Variants in MSH5 observed in about 807,000 individuals in gnomAD.
MSH5 encodes the protein mutS protein homolog 5.
Under a neutral mutation model 107.7 loss-of-function variants are expected in MSH5, and 78 were observed. The observed-to-expected ratio is 0.72, with a 90% CI of 0.60 to 0.87. The LOEUF is 0.87. MSH5 is among the 40% of genes least tolerant of loss of function. The pLI is 0.00. For synonymous variants in MSH5, 326 were observed against 399.5 expected (o/e 0.82, Z 2.19); for missense variants, 889 against 1,046.6 (o/e 0.85, Z 2.08).
Position 31,759,240 on chromosome 6 carries a change from C to T in MSH5, c.1407+63C>T, listed in dbSNP as rs558151991. The T allele has an allele frequency of 2.0e-4, 299 of 1,472,652 alleles. 2 individuals carry two copies. The South Asian group carries it at 2.8e-3, about 14-fold the overall frequency. 91.2% of individuals were successfully genotyped at this position (1,472,652 alleles called of 1,614,324 possible). A position where few individuals can be genotyped will look rare whatever the true frequency, so the allele number is the denominator to read the frequency against. On this transcript the variant is annotated intron_variant, in intron 16 of 24. Coordinates refer to ENST00000375750, the MANE Select transcript of MSH5 (RefSeq NM_172166.4). This position sits in a 1 kb window ranked among gnomAD's most constrained non-coding sequence, Gnocchi z 4.7. Reference sequence around the variant, plus strand: ...AAATGAGTCAGCAGCTGAGGAAGAGCGTTACTCTACAGCAGCACTGCCCAA... The same window carrying T: ...AAATGAGTCAGCAGCTGAGGAAGAGTGTTACTCTACAGCAGCACTGCCCAA...
In MSH5 at chr6:31,743,171, G is replaced by A; in HGVS notation, c.415+1G>A. The A allele has an allele frequency of 6.2e-7, 1 of 1,612,748 alleles. No homozygotes were observed. The highest frequency in any genetic ancestry group is 1.1e-5 in the South Asian group (1 of 91,066). On this transcript the variant is annotated splice_donor_variant, in intron 5 of 24. Transcript: ENST00000375750. LOFTEE classifies it high-confidence loss of function. ...ATATTTTTGCCAAGTGTGGATTTTG[G>A]TATCTCCTTCCTTTTGCTTTGCCTA...
At chr6:31,743,236 C>A in intron 5 of MSH5, 66 bp downstream of exon 5, 1 of 1,509,036 alleles carries the variant, frequency 6.6e-7, no homozygotes, top group South Asian at 1.1e-5. Flanking sequence ...CCCAACTCTA[C>A]CTTCATCATC....
rs1352754387 is a variant in MSH5 at position 31,759,871 on chromosome 6, C to T, written c.1581C>T (p.Ser527=). The T allele has an allele frequency of 6.2e-7, 1 of 1,614,184 alleles. No individual in the cohort carries two copies. Among genetic ancestry groups the T allele is most frequent in the Admixed American group, 1.7e-5 (1 of 60,022 alleles). Residue 527 remains serine, a synonymous_variant, in exon 18 of 25, where the codon TCC becomes TCT. Transcript: ENST00000375750. This position sits in a 1 kb window ranked among gnomAD's most constrained non-coding sequence, Gnocchi z 4.7. ...TAACCCGAGTATTGGACCTTGCCTCCCGCCTGGACGTCCTGCTGGCTCTTG... is the reference window on the plus strand; with the variant it reads ...TAACCCGAGTATTGGACCTTGCCTCTCGCCTGGACGTCCTGCTGGCTCTTG... ...AVLTRVLDLA[S]RLDVLLALAS...
intron 9 of MSH5, 69 bp downstream of exon 9, chr6:31,745,388 T>C (rs1581520327): frequency 1.9e-6 from 2 of 1,055,510 alleles, no homozygotes; most frequent in East Asian, 2.4e-5. Flanking sequence ...TCCAAAGATG[T>C]GTCCCAGCCT....
Position 31,762,126 on chromosome 6 carries a change from C to A in MSH5, c.2334C>A (p.Ile778=). 6.2e-7 allele frequency: 1 copy of A among 1,614,186 alleles called. No homozygotes were observed. Among genetic ancestry groups the A allele is most frequent in the South Asian group, 1.1e-5 (1 of 91,082 alleles). Reference sequence around the variant, plus strand: ...CTTGTTCCTAGGTCTCAGACTTGATCCGCAGTGGAAAACCCATCAAGCCTG... The same window carrying A: ...CTTGTTCCTAGGTCTCAGACTTGATACGCAGTGGAAAACCCATCAAGCCTG... The part of the protein sequence containing the change: ...VARGKEVSDL[I]RSGKPIKPVK... Residue 778 remains isoleucine (I), a synonymous_variant, in exon 24 of 25, where the codon ATC becomes ATA. Coordinates refer to ENST00000375750, the MANE Select transcript of MSH5 (RefSeq NM_172166.4).
chr6:31,761,135 T>C lies in MSH5; in HGVS notation c.1963-53T>C, dbSNP rs1475800128. ...TTATTCACAGGCCAACTGTGGTCAG[T>C]GCGTTACGGGCTTCCAATACTAACT... On this transcript the variant is annotated intron_variant, in intron 20 of 24. Coordinates refer to ENST00000375750, the MANE Select transcript of MSH5 (RefSeq NM_172166.4). The surrounding 1 kb of genome is among the most constrained non-coding windows in gnomAD (Gnocchi z 5.3). The C allele has an allele frequency of 6.4e-7, 1 of 1,558,148 alleles. No homozygotes were observed. Among genetic ancestry groups the C allele is most frequent in the African/African-American group, 1.3e-5 (1 of 74,100 alleles).
chr6:31,744,050 G>A, intron 6 of MSH5, 25 bp downstream of exon 6: 1 of 1,613,440 alleles, frequency 6.2e-7, no homozygotes, highest in Non-Finnish European at 8.5e-7. Flanking sequence ...GGGGGATAAG[G>A]GCTGGGAGGC....
Position 31,762,194 on chromosome 6 carries a change from A to G in MSH5, c.2393+9A>G, listed in dbSNP as rs1811080408. On this transcript the variant is annotated intron_variant, in intron 24 of 24. Transcript: ENST00000375750. ...AAGAACCAAATGGAAAAGTGCGTAT[A>G]TGGCCCCAGTGTCTTTACCCTCTCT... 1 of 1,613,938 alleles carries G rather than the reference A, an allele frequency of 6.2e-7. No individual in the cohort carries two copies. Among genetic ancestry groups the G allele is most frequent in the Non-Finnish European group, 8.5e-7 (1 of 1,179,840 alleles).
intron 12 of MSH5, among the ~76,000 whole-genome samples, chr6:31,755,641 C>T (rs1444512145): frequency 1.3e-5 from 2 of 152,088 alleles, no homozygotes; most frequent in East Asian, 1.9e-4. Context: ...GGATTACAGG[C>T]GTGAGCCATT....
At chr6:31,752,946 G>A (rs188478004) in intron 10 of MSH5, among the ~76,000 whole-genome samples, 2 of 152,244 alleles carry the variant, frequency 1.3e-5, no homozygotes, top group African/African-American at 2.4e-5. Context: ...CTGACTCACC[G>A]TCTCTTACTC....
In MSH5 at chr6:31,759,307, G is replaced by C; in HGVS notation, c.1408-118G>C. ...TGTAGTTTTACTCTGAGCTTTACCA[G>C]CACTGAGACAAAGGAAAGAGAAGTC... On this transcript the variant is annotated intron_variant, in intron 16 of 24. Transcript: ENST00000375750. This position sits in a 1 kb window ranked among gnomAD's most constrained non-coding sequence, Gnocchi z 4.7. 2 of 1,392,680 alleles carry C rather than the reference G, an allele frequency of 1.4e-6. No homozygotes were observed. The highest frequency in any genetic ancestry group is 2.0e-6 in the Non-Finnish European group (2 of 982,262). 86.3% of individuals were successfully genotyped at this position (1,392,680 alleles called of 1,614,324 possible).
intron 10 of MSH5, among the ~76,000 whole-genome samples, chr6:31,748,261 C>T (rs981347269): frequency 6.6e-6 from 1 of 151,690 alleles, no homozygotes; most frequent in African/African-American, 2.4e-5. Flanking sequence ...GCTGGCAGTA[C>T]ACCTTCTCAA....
rs1038427832 is a variant in MSH5 at position 31,758,052 on chromosome 6, C to T, written c.1015-113C>T. On this transcript the variant is annotated intron_variant, in intron 12 of 24. Transcript: ENST00000375750. This position sits in a 1 kb window ranked among gnomAD's most constrained non-coding sequence, Gnocchi z 5.1. ...TTTCTTTTTGCCTTTGAGATCTTCC[C>T]TCTTTGTTACTGTGATCTTCCCTAC... 3.7e-6 allele frequency: 5 copies of T among 1,345,730 alleles called. No homozygotes were observed. In the African/African-American group the frequency reaches 5.8e-5, roughly 16 times the overall value. The allele number at this position is 1,345,730 out of a possible 1,614,324, so 83.4% of individuals were successfully genotyped here. A position where few individuals can be genotyped will look rare whatever the true frequency, so the allele number is the denominator to read the frequency against.
In MSH5 at chr6:31,743,135, G is replaced by C. The variant is rs1480276752; in HGVS notation, c.380G>C (p.Arg127Thr). The change falls in exon 5 of 25, where the codon AGA becomes ACA. Residue 127 changes from arginine to threonine, a missense_variant. This residue lies in a region of MSH5 where 518 missense variants were observed against 565.0 expected (regional missense o/e 0.92). Transcript: ENST00000375750. ...TCCCAGGAGCACAGAGAGCCTAAAA[G>C]ACCTGAAATCATATTTTTGCCAAGT... Reference protein sequence around the residue: ...LASQEHREPKRPEIIFLPSVD... With the variant: ...LASQEHREPKTPEIIFLPSVD... 3 of 1,612,830 alleles carry C rather than the reference G, an allele frequency of 1.9e-6. No homozygotes were observed. In the African/African-American group the frequency reaches 4.0e-5, roughly 22 times the overall value.
In MSH5 at chr6:31,758,667, A is replaced by G; in HGVS notation, c.1216+47A>G. 6.2e-7 allele frequency: 1 copy of G among 1,610,088 alleles called. No individual in the cohort carries two copies. The highest frequency in any genetic ancestry group is 8.5e-7 in the Non-Finnish European group (1 of 1,176,444). On this transcript the variant is annotated intron_variant, in intron 14 of 24. Transcript: ENST00000375750. The surrounding 1 kb of genome is among the most constrained non-coding windows in gnomAD (Gnocchi z 5.1). Reference sequence around the variant, plus strand: ...GCCTGTGAGCCCTGCGCAGTGATGGAGTACCATCCTTGGCAGGTGGTCACC... The same window carrying G: ...GCCTGTGAGCCCTGCGCAGTGATGGGGTACCATCCTTGGCAGGTGGTCACC...
chr6:31,753,005 G>A (rs929454345), intron 10 of MSH5, among the ~76,000 whole-genome samples: 42 of 152,168 alleles, frequency 2.8e-4, no homozygotes, highest in African/African-American at 9.7e-4. Flanking sequence ...TCAACACACT[G>A]CTCTCCTTCT....
At chr6:31,754,828 T>C (rs1001548879) in intron 12 of MSH5, among the ~76,000 whole-genome samples, 1 of 149,950 alleles carries the variant, frequency 6.7e-6, no homozygotes, top group African/African-American at 2.5e-5. Flanking sequence ...CTCGGCTCAC[T>C]GCAACCTCCG....
intron 3 of MSH5, among the ~76,000 whole-genome samples, chr6:31,742,104 A>C (rs2151333231): frequency 6.6e-6 from 1 of 152,338 alleles, no homozygotes; most frequent in Non-Finnish European, 1.5e-5. Context: ...ACTGGGGATT[A>C]AATTTCAACA....
Position 31,760,145 on chromosome 6 carries a change from G to A in MSH5, c.1741G>A (p.Gly581Ser). The A allele has an allele frequency of 6.2e-7, 1 of 1,611,656 alleles. No individual in the cohort carries two copies. The highest frequency in any genetic ancestry group is 8.5e-7 in the Non-Finnish European group (1 of 1,178,836). Reference protein sequence around the residue: ...RTFVPNSTECGGDKGRVKVIT... With the variant: ...RTFVPNSTECSGDKGRVKVIT... ...CTTTGTGCCCAACTCCACAGAATGT[G>A]GTGGGGACAAAGGGAGGGTCAAAGT... Residue 581 changes from glycine (G) to serine (S), a missense_variant, in exon 19 of 25, where the codon GGT becomes AGT. Gly to Ser is a moderately conservative substitution (Grantham distance 56, BLOSUM62 0). Around this residue, in one of 3 missense-constraint regions of MSH5, gnomAD observed 362 missense variants for 456.2 expected, o/e 0.79. Transcript: ENST00000375750. The surrounding 1 kb of genome is among the most constrained non-coding windows in gnomAD (Gnocchi z 5.6).
Sources: allele counts gnomAD v4.1 joint callset (sites outside exome capture counted in the v4.1 genomes callset), GRCh38; gene constraint gnomAD v4.1.1; regional missense constraint gnomAD v4.1.1; non-coding constraint Gnocchi (gnomAD v3.1); transcripts MANE v1.5; gene names NCBI Gene and HGNC (gene_info 2026-07-23, HGNC 2026-07-21).